The following FCGR1A variants were observed in gnomAD, a reference collection of about 807,000 sequenced individuals.
The protein encoded by FCGR1A is high affinity immunoglobulin gamma Fc receptor I.
In FCGR1A, 13 loss-of-function variants were observed where a neutral mutation model predicts 35.0. The observed-to-expected ratio is 0.37, with a 90% CI of 0.24 to 0.59. The LOEUF (loss-of-function observed/expected upper bound fraction) is 0.59, where lower values mean the gene tolerates loss of function less well. FCGR1A is among the 20% of genes least tolerant of loss of function. FCGR1A has a pLI of 0.71. For synonymous variants in FCGR1A, 91 were observed against 164.7 expected, an observed-to-expected ratio of 0.55 and a Z score of 3.43; for missense variants, 227 against 430.0, an observed-to-expected ratio of 0.53 and a Z score of 4.17.
chr1:149,800,586 G>A, the FCGR1A span, among the ~76,000 whole-genome samples: 12 of 141,642 alleles, frequency 8.5e-5, no homozygotes, highest in Non-Finnish European at 1.5e-4. Context: ...TGGGGTTGAA[G>A]ACCAAATATA....
intron 3 of FCGR1A, among the ~76,000 whole-genome samples, chr1:149,785,332 T>G (rs2091512123): frequency 6.6e-6 from 1 of 151,518 alleles, no homozygotes; most frequent in Non-Finnish European, 1.5e-5. Context: ...AGGCTTGATG[T>G]TCCTCATGTG....
In FCGR1A at chr1:149,791,485, G is replaced by T. The variant is rs1553751910; in HGVS notation, c.1093G>T (p.Val365Leu). The T allele has an allele frequency of 2.5e-6, 4 of 1,609,294 alleles. No individual in the cohort carries two copies. In the East Asian group the frequency reaches 8.9e-5, roughly 36 times the overall value. The change falls in exon 6 of 6, where the codon GTG becomes TTG. Residue 365 changes from valine (V) to leucine (L), a missense_variant. Around this residue, in one of 3 missense-constraint regions of FCGR1A, gnomAD observed 39 missense variants for 101.3 expected, o/e 0.38. Coordinates refer to ENST00000369168, the MANE Select transcript of FCGR1A (RefSeq NM_000566.4). ...EQKEEQLQEG[V>L]HRKEPQGAT ...AAAAGAAGAACAGCTGCAGGAAGGGGTGCACCGGAAGGAGCCCCAGGGGGC... is the reference window on the plus strand; with the variant it reads ...AAAAGAAGAACAGCTGCAGGAAGGGTTGCACCGGAAGGAGCCCCAGGGGGC...
chr1:149,786,155 C>T (rs1185025103), intron 3 of FCGR1A: 1 of 151,968 alleles, frequency 6.6e-6, no homozygotes, highest in African/African-American at 2.4e-5. Context: ...TTACAATTTC[C>T]CACTCTTTTG....
chr1:149,791,272 C>CT lies in FCGR1A; in HGVS notation c.884dup (p.Tyr296LeufsTer20). On this transcript the variant is annotated frameshift_variant, in exon 6 of 6. Transcript: ENST00000369168. LOFTEE classifies it high-confidence loss of function. ...ACCAACTCCTGTCTGGTTTCATGTC[C>CT]TTTTCTATCTGGCAGTGGGAATAAT... 6.2e-7 allele frequency: 1 copy of CT among 1,604,334 alleles called. No homozygotes were observed. The highest frequency in any genetic ancestry group is 8.5e-7 in the Non-Finnish European group (1 of 1,176,710).
chr1:149,789,511 T>C (rs1465670109), intron 4 of FCGR1A, among the ~76,000 whole-genome samples: 1 of 152,198 alleles, frequency 6.6e-6, no homozygotes. Context: ...ACTGACCAGA[T>C]GACACGGTCA....
rs1553751083 is a variant in FCGR1A at position 149,788,374 on chromosome 1, C to A, written c.316C>A (p.Leu106Ile). 6.2e-7 allele frequency: 1 copy of A among 1,612,830 alleles called. No individual in the cohort carries two copies. Among genetic ancestry groups the A allele is most frequent in the Non-Finnish European group, 8.5e-7 (1 of 1,179,874 alleles). The stretch of plus-strand genomic sequence containing the variant: ...GGGTTCATATTTTTCAGGCTGGCTA[C>A]TACTGCAGGTCTCCAGCAGAGTCTT... The part of the protein sequence containing the change: ...IQLEIHRGWL[L>I]LQVSSRVFTE... Residue 106 changes from leucine (L) to isoleucine (I), a missense_variant, in exon 4 of 6, where the codon CTA (leucine) becomes ATA (isoleucine). By Grantham distance (5) the Leu-to-Ile change is conservative. Coordinates refer to ENST00000369168, the MANE Select transcript of FCGR1A (RefSeq NM_000566.4).
the FCGR1A span, among the ~76,000 whole-genome samples, chr1:149,797,852 A>T: frequency 9.2e-5 from 14 of 152,176 alleles, no homozygotes; most frequent in Non-Finnish European, 2.1e-4. Flanking sequence ...GGCCAAGGCG[A>T]TCTGCCTACC....
intron 5 of FCGR1A, among the ~76,000 whole-genome samples, chr1:149,790,942 A>G (rs12076816): frequency 0.014 from 2,132 of 151,876 alleles, 48 homozygotes; most frequent in African/African-American, 0.049. Context: ...TTCATCTTCA[A>G]CCCAAATTCA....
intron 4 of FCGR1A, among the ~76,000 whole-genome samples, chr1:149,789,306 T>C (rs141375543): frequency 0.054 from 8,203 of 151,942 alleles, 308 homozygotes; most frequent in Non-Finnish European, 0.081. Context: ...GGCAGGAGAA[T>C]AGCATGAACC....
downstream of FCGR1A, among the ~76,000 whole-genome samples, chr1:149,796,209 C>A (rs1451453304): frequency 2.0e-5 from 3 of 152,056 alleles, no homozygotes; most frequent in African/African-American, 7.3e-5. Context: ...ATGTATACTA[C>A]TCAACACTTA....
Position 149,784,265 on chromosome 1 carries a change from T to A in FCGR1A, c.307+8T>A. On this transcript the variant is annotated splice_region_variant and intron_variant, in intron 3 of 5. Transcript: ENST00000369168. ...AGCTGGAAATCCACAGAGGTAATTA[T>A]GACTTGGACCAGGAGGGCCGGAAAC... 6.2e-7 allele frequency: 1 copy of A among 1,611,064 alleles called. No homozygotes were observed. Among genetic ancestry groups the A allele is most frequent in the South Asian group, 1.1e-5 (1 of 90,980 alleles).
intron 5 of FCGR1A, among the ~76,000 whole-genome samples, chr1:149,790,581 A>C (rs1481851066): frequency 1.5e-5 from 2 of 135,894 alleles, no homozygotes; most frequent in Non-Finnish European, 3.2e-5. Context: ...TCTTTCCTTC[A>C]TTTTCTCCTC....
chr1:149,790,346 A>C lies in FCGR1A; in HGVS notation c.844+8A>C, dbSNP rs1553751634. Reference sequence around the variant, plus strand: ...TGGAGCTTCAAGTGCTTGGTGAGTGAGAATGACGGGAAGCCACTGGCACAG... The same window carrying C: ...TGGAGCTTCAAGTGCTTGGTGAGTGCGAATGACGGGAAGCCACTGGCACAG... On this transcript the variant is annotated splice_region_variant and intron_variant, in intron 5 of 5. Transcript: ENST00000369168. 6.3e-6 allele frequency: 10 copies of C among 1,585,554 alleles called. No individual in the cohort carries two copies. The highest frequency in any genetic ancestry group is 8.6e-6 in the Non-Finnish European group (10 of 1,166,136).
chr1:149,785,335 C>T (rs1382032111), intron 3 of FCGR1A, among the ~76,000 whole-genome samples: 6 of 150,534 alleles, frequency 4.0e-5, no homozygotes, highest in Admixed American at 2.0e-4. Context: ...CTTGATGTTC[C>T]TCATGTGTCC....
At chr1:149,788,175 T>C (rs587766733) in intron 3 of FCGR1A, 191 bp from the exon 4 acceptor site, 105 of 966,654 alleles carry the variant, frequency 1.1e-4, no homozygotes, top group African/African-American at 8.6e-4. Context: ...GTGTACGCAG[T>C]TGCCAGTAAA....
intron 3 of FCGR1A, 100 bp downstream of exon 3, chr1:149,784,357 T>G (rs1195304303): frequency 3.2e-5 from 51 of 1,608,698 alleles, no homozygotes; most frequent in Middle Eastern, 2.2e-4. Flanking sequence ...TTTATCTGGG[T>G]GCAGGTCTCA....
At position 149,791,575 on chromosome 1, in the gene FCGR1A, G is replaced by A; in HGVS notation, c.*58G>A. ...CGTCCCCTGCCCACTTGCTCCCCGT[G>A]AGCACTGCGTACAAACATCCAAAAG... On this transcript the variant is annotated 3_prime_UTR_variant, in exon 6 of 6. Transcript: ENST00000369168. 1.9e-6 allele frequency: 3 copies of A among 1,604,426 alleles called. No homozygotes were observed. Among genetic ancestry groups the A allele is most frequent in the Non-Finnish European group, 2.5e-6 (3 of 1,177,046 alleles).
chr1:149,793,024 G>A (rs781795875), downstream of FCGR1A: 257 of 1,264,844 alleles, frequency 2.0e-4, 3 homozygotes, highest in East Asian at 6.4e-4. Flanking sequence ...ACCCCGCCCC[G>A]GGCCCGCCAG....
At chr1:149,789,393 A>AAAT (rs781855250) in intron 4 of FCGR1A, among the ~76,000 whole-genome samples, 4,861 of 148,778 alleles carry the variant, frequency 0.033, 213 homozygotes, top group African/African-American at 0.1. Flanking sequence ...ACTACGTCTC[A>AAAT]AATAATAATA....
Sources: allele counts gnomAD v4.1 joint callset (sites outside exome capture counted in the v4.1 genomes callset), GRCh38; gene constraint gnomAD v4.1.1; regional missense constraint gnomAD v4.1.1; transcripts MANE v1.5; gene names NCBI Gene and HGNC (gene_info 2026-07-23, HGNC 2026-07-21).